The following SUFU variants were observed in gnomAD, a reference collection of about 807,000 sequenced individuals.
SUFU encodes the protein suppressor of fused homolog.
Under a neutral mutation model 58.9 loss-of-function variants are expected in SUFU, and 7 were observed. The ratio of observed to expected loss-of-function variants is 0.12; its 90% CI spans 0.07 to 0.22. The LOEUF (loss-of-function observed/expected upper bound fraction) is 0.22. SUFU is among the 10% of genes least tolerant of loss of function. The pLI, the probability that SUFU is intolerant of heterozygous loss-of-function variation, is 1.00. For missense variants in SUFU, 451 were observed against 641.3 expected, an observed-to-expected ratio of 0.70 and a Z score of 3.20; for synonymous variants, 232 against 254.8, an observed-to-expected ratio of 0.91 and a Z score of 0.85.
At chr10:102,627,547 G>C (rs2063797035) in intron 11 of SUFU, among the ~76,000 whole-genome samples, 3 of 152,262 alleles carry the variant, frequency 2.0e-5, no homozygotes, top group Admixed American at 2.0e-4. Flanking sequence ...TGAAGAGGAA[G>C]CCAGGGCCTT....
intron 3 of SUFU, among the ~76,000 whole-genome samples, chr10:102,553,429 G>A (rs2062940974): frequency 1.3e-5 from 2 of 151,606 alleles, no homozygotes; most frequent in African/African-American, 2.4e-5. Context: ...TGAGCTGCAT[G>A]TTCAAGATCA....
At chr10:102,592,090 C>G (rs2063408312) in intron 3 of SUFU, among the ~76,000 whole-genome samples, 1 of 152,192 alleles carries the variant, frequency 6.6e-6, no homozygotes, top group Non-Finnish European at 1.5e-5. Flanking sequence ...ATTTCAAAGG[C>G]TCTCCAAGGT....
At chr10:102,518,135 TACTTTGTATAAGGC>T (rs2062495532) in intron 2 of SUFU, among the ~76,000 whole-genome samples, 1 of 152,198 alleles carries the variant, frequency 6.6e-6, no homozygotes, top group South Asian at 2.1e-4. Context: ...TTATAGCCCT[TACTTTGTATAAGGC>T]ACTTTTCTAA....
In SUFU at chr10:102,594,062, G is replaced by T; in HGVS notation, c.753G>T (p.Leu251=). The change falls in exon 6 of 12, where the codon CTG becomes CTT. Residue 251 remains leucine, a synonymous_variant. Coordinates refer to ENST00000369902, the MANE Select transcript of SUFU (RefSeq NM_016169.4). ...CCATATTTGAGATCGATCCACACCT[G>T]CAAGTATGTCTTGAGTGAGGAAAAC... ...GETIFEIDPH[L]QERVDKGIET... 1.2e-6 allele frequency: 2 copies of T among 1,614,082 alleles called. No individual in the cohort carries two copies. The highest frequency in any genetic ancestry group is 1.1e-5 in the South Asian group (1 of 91,082).
At chr10:102,513,698 C>T (rs1280755650) in intron 2 of SUFU, among the ~76,000 whole-genome samples, 1 of 152,134 alleles carries the variant, frequency 6.6e-6, no homozygotes, top group Non-Finnish European at 1.5e-5. Flanking sequence ...TAGGAAGGGG[C>T]CTGGGATGCC....
chr10:102,541,083 G>T (rs1344026303), intron 2 of SUFU, among the ~76,000 whole-genome samples: 1 of 151,292 alleles, frequency 6.6e-6, no homozygotes, highest in Non-Finnish European at 1.5e-5. Flanking sequence ...TTATATGGTT[G>T]ATTTGAAATA....
At chr10:102,541,450 G>A (rs1342052022) in intron 2 of SUFU, among the ~76,000 whole-genome samples, 1 of 150,046 alleles carries the variant, frequency 6.7e-6, no homozygotes, top group Non-Finnish European at 1.5e-5. Flanking sequence ...CCAGGCTGGA[G>A]TGCAGTGGTG....
chr10:102,537,990 C>T (rs144245052), intron 2 of SUFU, among the ~76,000 whole-genome samples: 20 of 152,328 alleles, frequency 1.3e-4, no homozygotes, highest in African/African-American at 4.8e-4. Flanking sequence ...TTTTCCATAG[C>T]AGCTGTATCA....
At chr10:102,597,844 G>C (rs1404593164) in intron 7 of SUFU, among the ~76,000 whole-genome samples, 1 of 152,242 alleles carries the variant, frequency 6.6e-6, no homozygotes, top group Non-Finnish European at 1.5e-5. Flanking sequence ...TTCCGGATGG[G>C]GTCTTTGGGA....
chr10:102,505,960 G>A (rs2135604999), intron 1 of SUFU, among the ~76,000 whole-genome samples: 1 of 150,250 alleles, frequency 6.7e-6, no homozygotes. Flanking sequence ...CCACCACTTT[G>A]GGAGGCCTTG....
At chr10:102,600,782 G>C (rs921004366) in intron 8 of SUFU, among the ~76,000 whole-genome samples, 2 of 152,190 alleles carry the variant, frequency 1.3e-5, no homozygotes, top group Non-Finnish European at 2.9e-5. Flanking sequence ...GTTACTCTGG[G>C]AACAGGGCTG....
At chr10:102,620,159 G>A (rs1170589783) in intron 10 of SUFU, among the ~76,000 whole-genome samples, 1 of 152,212 alleles carries the variant, frequency 6.6e-6, no homozygotes, top group African/African-American at 2.4e-5. Context: ...CAGCTGAAAT[G>A]GAGGGGCTGG....
intron 8 of SUFU, among the ~76,000 whole-genome samples, chr10:102,602,320 G>C (rs1015338811): frequency 6.6e-6 from 1 of 152,136 alleles, no homozygotes; most frequent in African/African-American, 2.4e-5. Context: ...CCCATTCTCA[G>C]GGACCCCATG....
intron 3 of SUFU, among the ~76,000 whole-genome samples, chr10:102,588,947 C>T (rs1008370891): frequency 2.0e-5 from 3 of 151,902 alleles, no homozygotes; most frequent in Admixed American, 6.6e-5. Flanking sequence ...TTTTGAGACA[C>T]AGTCTCACTC....
intron 3 of SUFU, among the ~76,000 whole-genome samples, chr10:102,577,435 C>T (rs2063224073): frequency 6.6e-6 from 1 of 152,090 alleles, no homozygotes; most frequent in Non-Finnish European, 1.5e-5. Flanking sequence ...CAGCCTCCCT[C>T]TCCCAGGGCT....
intron 2 of SUFU, among the ~76,000 whole-genome samples, chr10:102,519,745 A>T (rs554060798): frequency 1.3e-5 from 2 of 152,114 alleles, no homozygotes; most frequent in Non-Finnish European, 2.9e-5. Flanking sequence ...TCCTTTAATG[A>T]TTTATTTTTA....
chr10:102,583,422 C>T (rs960116097), intron 3 of SUFU, among the ~76,000 whole-genome samples: 2 of 152,186 alleles, frequency 1.3e-5, no homozygotes, highest in Admixed American at 6.5e-5. Context: ...CAGGGTGGAA[C>T]GTGTTGATCC....
At position 102,597,262 on chromosome 10, in the gene SUFU, C is replaced by T. The variant is rs370516021; in HGVS notation, c.879C>T (p.Ile293=). The change falls in exon 7 of 12, where the codon ATC becomes ATT. Residue 293 remains isoleucine, a synonymous_variant. Transcript: ENST00000369902. ...EDDEDSRSIC[I]GTQPRRLSGK... is the part of the protein sequence containing the mutation. ...ACGAGGACAGCCGGAGCATCTGCAT[C>T]GGCACACAGCCCCGGCGACTCTCTG... The T allele has an allele frequency of 2.5e-5, 40 of 1,613,794 alleles. No homozygotes were observed. Among genetic ancestry groups the T allele is most frequent in the African/African-American group, 2.1e-4 (16 of 74,888 alleles).
At chr10:102,573,943 C>T (rs4917973) in intron 3 of SUFU, among the ~76,000 whole-genome samples, 68,979 of 151,884 alleles carry the variant, frequency 0.45, 16,055 homozygotes, top group East Asian at 0.68. Context: ...GTACTTAATG[C>T]CACTTAAAAA....
Sources: allele counts gnomAD v4.1 joint callset (sites outside exome capture counted in the v4.1 genomes callset), GRCh38; gene constraint gnomAD v4.1.1; transcripts MANE v1.5; gene names NCBI Gene and HGNC (gene_info 2026-07-23, HGNC 2026-07-21).